The following MAP3K10 variants were observed in gnomAD, a reference collection of about 807,000 sequenced individuals.
The protein encoded by MAP3K10 is MKN28 derived nonreceptor_type serine/threonine kinase.
In MAP3K10, 22 loss-of-function variants were observed where a neutral mutation model predicts 75.0. The ratio of observed to expected loss-of-function variants is 0.29; its 90% CI spans 0.21 to 0.42. The LOEUF (loss-of-function observed/expected upper bound fraction) is 0.42, where lower values mean the gene tolerates loss of function less well. Among genes scored for constraint, MAP3K10 ranks in the 10% least tolerant of loss-of-function variants. The probability of loss-of-function intolerance (pLI) is 1.00; values close to 1 mark genes in which losing one functional copy is unlikely to be tolerated. For missense variants in MAP3K10, 1,165 were observed against 1,379.8 expected (o/e 0.84, Z 2.47); for synonymous variants, 599 against 612.9 (o/e 0.98, Z 0.34).
intron 2 of MAP3K10, among the ~76,000 whole-genome samples, chr19:40,200,455 G>A (rs60568017): frequency 0.21 from 32,467 of 151,728 alleles, 4,136 homozygotes; most frequent in African/African-American, 0.36. Context: ...TACTGTTCCC[G>A]TCAATTCCCA....
intron 2 of MAP3K10, among the ~76,000 whole-genome samples, chr19:40,201,556 C>T (rs1973021869): frequency 6.8e-6 from 1 of 147,086 alleles, no homozygotes; most frequent in South Asian, 2.2e-4. Context: ...GCAGTGATGC[C>T]GTCACAAATC....
In MAP3K10 at chr19:40,212,908, CAAG is replaced by C. The variant is rs1973266543; in HGVS notation, c.1663_1665del (p.Lys555del). ...CAAAGAAGGAAGAACTGGTCGGGGGCAAGAAGAAGGGACGAACGTGGGGGCCCA... is the reference window on the plus strand; with the variant it reads ...CAAAGAAGGAAGAACTGGTCGGGGGCAAGAAGGGACGAACGTGGGGGCCCA... On this transcript the variant is annotated inframe_deletion, in exon 7 of 10. Coordinates refer to ENST00000253055, the MANE Select transcript of MAP3K10 (RefSeq NM_002446.4). This position sits in a 1 kb window ranked among gnomAD's most constrained non-coding sequence, Gnocchi z 4.2. The C allele has an allele frequency of 5.0e-6, 8 of 1,613,286 alleles. No homozygotes were observed. Among genetic ancestry groups the C allele is most frequent in the Non-Finnish European group, 6.8e-6 (8 of 1,179,818 alleles).
chr19:40,214,005 C>G lies in MAP3K10; in HGVS notation c.2326C>G (p.Pro776Ala). 6.6e-7 allele frequency: 1 copy of G among 1,510,234 alleles called. No homozygotes were observed. The highest frequency in any genetic ancestry group is 8.8e-7 in the Non-Finnish European group (1 of 1,133,740). 93.6% of individuals were successfully genotyped at this position (1,510,234 alleles called of 1,614,324 possible). A position where few individuals can be genotyped will look rare whatever the true frequency, so the allele number is the denominator to read the frequency against. Residue 776 changes from proline to alanine, a missense_variant, in exon 9 of 10, where the codon CCA (proline) becomes GCA (alanine). Coordinates refer to ENST00000253055, the MANE Select transcript of MAP3K10 (RefSeq NM_002446.4). ...SDEAAPAAPSPPPSPPAPTPT... is the reference protein window; with the variant it reads ...SDEAAPAAPSAPPSPPAPTPT... ...CGAGGCCGCACCGGCCGCGCCCTCC[C>G]CACCACCCTCCCCGCCCGCGCCCAC...
intron 9 of MAP3K10, 82 bp downstream of exon 9, chr19:40,214,303 G>A (rs1287135796): frequency 2.2e-6 from 3 of 1,335,184 alleles, no homozygotes; most frequent in African/African-American, 3.1e-5. Flanking sequence ...GCCCAGCCAC[G>A]ACCCCTCAGG....
Position 40,192,078 on chromosome 19 carries a change from C to A in MAP3K10, c.47C>A (p.Pro16His). ...GAVAKEWGTT[P>H]AGPVWTAVFD... ...GTGGCCAAGGAGTGGGGCACGACCC[C>A]CGCGGGGCCCGTCTGGACCGCGGTG... The change falls in exon 1 of 10, where the codon CCC (proline) becomes CAC (histidine). Residue 16 changes from proline (P) to histidine (H), a missense_variant. Pro to His is a moderately conservative substitution (Grantham distance 77). This residue lies in a region of MAP3K10 where 575 missense variants were observed against 793.2 expected (regional missense o/e 0.72). Transcript: ENST00000253055. This position sits in a 1 kb window ranked among gnomAD's most constrained non-coding sequence, Gnocchi z 7.1. The A allele has an allele frequency of 1.3e-6, 2 of 1,505,798 alleles. No individual in the cohort carries two copies. The highest frequency in any genetic ancestry group is 1.8e-6 in the Non-Finnish European group (2 of 1,130,526). 93.3% of individuals were successfully genotyped at this position (1,505,798 alleles called of 1,614,324 possible).
At position 40,212,206 on chromosome 19, in the gene MAP3K10, G is replaced by C. The variant is rs766791886; in HGVS notation, c.1553-599G>C. 6.6e-6 allele frequency among the ~76,000 whole-genome samples: 1 copy of C among 152,180 alleles called. No homozygotes were observed. Among genetic ancestry groups the C allele is most frequent in the South Asian group, 2.1e-4 (1 of 4,834 alleles). On this transcript the variant is annotated intron_variant, in intron 6 of 9. Coordinates refer to ENST00000253055, the MANE Select transcript of MAP3K10 (RefSeq NM_002446.4). The surrounding 1 kb of genome is among the most constrained non-coding windows in gnomAD (Gnocchi z 4.2). The stretch of plus-strand genomic sequence containing the variant: ...TTGGAAGGGACAGATGTCCACAGTC[G>C]GGGCTATATGGCAGAGACACGGTCA...
chr19:40,200,764 A>G (rs1973003512), intron 2 of MAP3K10, among the ~76,000 whole-genome samples: 1 of 151,810 alleles, frequency 6.6e-6, no homozygotes, highest in Non-Finnish European at 1.5e-5. Flanking sequence ...GATTATAGGC[A>G]TGCACTGGCT....
rs1972961275 is a variant in MAP3K10, at chr19:40,198,649, A to G, written c.863+94A>G. ...GGAGGGAGGGTCTCCTGCTGAAGCC[A>G]GGATCTCAGTCTGACAAAGGGACCT... On this transcript the variant is annotated intron_variant, in intron 2 of 9. Coordinates refer to ENST00000253055, the MANE Select transcript of MAP3K10 (RefSeq NM_002446.4). This position sits in a 1 kb window ranked among gnomAD's most constrained non-coding sequence, Gnocchi z 4.3. The G allele has an allele frequency of 1.5e-6, 2 of 1,309,808 alleles. No homozygotes were observed. Among genetic ancestry groups the G allele is most frequent in the South Asian group, 1.5e-5 (1 of 67,004 alleles). 81.1% of individuals were successfully genotyped at this position (1,309,808 alleles called of 1,614,324 possible).
At position 40,212,164 on chromosome 19, in the gene MAP3K10, A is replaced by C. The variant is rs1973252514; in HGVS notation, c.1553-641A>C. On this transcript the variant is annotated intron_variant, in intron 6 of 9. Coordinates refer to ENST00000253055, the MANE Select transcript of MAP3K10 (RefSeq NM_002446.4). This position sits in a 1 kb window ranked among gnomAD's most constrained non-coding sequence, Gnocchi z 4.2. Reference sequence around the variant, plus strand: ...AGAAAGCAGTGAGATGATGGAGGCCAGGCCAGGGTGGGGGACTTGGAAGGG... The same window carrying C: ...AGAAAGCAGTGAGATGATGGAGGCCCGGCCAGGGTGGGGGACTTGGAAGGG... Among the ~76,000 whole-genome samples, 1 of 152,220 alleles carries C rather than the reference A, an allele frequency of 6.6e-6. No individual in the cohort carries two copies. Among genetic ancestry groups the C allele is most frequent in the Non-Finnish European group, 1.5e-5 (1 of 68,028 alleles).
chr19:40,213,901 C>A lies in MAP3K10; in HGVS notation c.2222C>A (p.Ala741Glu). Residue 741 changes from alanine (A) to glutamate (E), a missense_variant, in exon 9 of 10, where the codon GCG (alanine) becomes GAG (glutamate). Ala to Glu is a moderately radical substitution (Grantham distance 107). Coordinates refer to ENST00000253055, the MANE Select transcript of MAP3K10 (RefSeq NM_002446.4). The surrounding 1 kb of genome is among the most constrained non-coding windows in gnomAD (Gnocchi z 5.7). ...GACGTGGGCCCCGGCCTGGGCCTGG[C>A]GCCCTCGGCCACCCTCGTGTCGCTG... Reference protein sequence around the residue: ...REDVGPGLGLAPSATLVSLSS... With the variant: ...REDVGPGLGLEPSATLVSLSS... 1 of 1,500,306 alleles carries A rather than the reference C, an allele frequency of 6.7e-7. No individual in the cohort carries two copies. The highest frequency in any genetic ancestry group is 8.8e-7 in the Non-Finnish European group (1 of 1,131,618). The allele number at this position is 1,500,306 out of a possible 1,614,324, so 92.9% of individuals were successfully genotyped here.
chr19:40,204,532 G>A lies in MAP3K10; in HGVS notation c.911G>A (p.Arg304His), dbSNP rs535058788. 57 of 1,613,966 alleles carry A rather than the reference G, an allele frequency of 3.5e-5. No individual in the cohort carries two copies. The highest frequency in any genetic ancestry group is 8.0e-5 in the African/African-American group (6 of 75,034). Residue 304 changes from arginine to histidine, a missense_variant, in exon 3 of 10, where the codon CGT becomes CAT. Arg to His is a conservative substitution (Grantham distance 29). Coordinates refer to ENST00000253055, the MANE Select transcript of MAP3K10 (RefSeq NM_002446.4). This position sits in a 1 kb window ranked among gnomAD's most constrained non-coding sequence, Gnocchi z 4.3. ...CTGCTGACGGGGGAGGTCCCCTACC[G>A]TGAGATCGACGCCTTGGCCGTGGCG... ...WELLTGEVPY[R>H]EIDALAVAYG...
intron 5 of MAP3K10, chr19:40,206,494 T>A: frequency 5.0e-6 from 1 of 200,176 alleles, no homozygotes; most frequent in Non-Finnish European, 1.0e-5. Context: ...GAGGATCACT[T>A]GAGTCCAGGA....
Position 40,214,034 on chromosome 19 carries a change from CACGCCCTCGCCCAGCACCAA to C in MAP3K10, c.2356_2375del (p.Thr786ProfsTer59). The C allele has an allele frequency of 1.3e-6, 2 of 1,530,670 alleles. No homozygotes were observed. Among genetic ancestry groups the C allele is most frequent in the East Asian group, 2.5e-5 (1 of 40,112 alleles). The allele number at this position is 1,530,670 out of a possible 1,614,324, so 94.8% of individuals were successfully genotyped here. A position where few individuals can be genotyped will look rare whatever the true frequency, so the allele number is the denominator to read the frequency against. ...CACCCTCCCCGCCCGCGCCCACACC[CACGCCCTCGCCCAGCACCAA>C]CCCCCTGGTGGACCTGGAGCTGGAG... On this transcript the variant is annotated frameshift_variant, in exon 9 of 10. Transcript: ENST00000253055. LOFTEE classifies it high-confidence loss of function.
chr19:40,191,735 T>G lies in MAP3K10; in HGVS notation c.-297T>G. 89 of 255,484 alleles carry G rather than the reference T, an allele frequency of 3.5e-4. No homozygotes were observed. Among genetic ancestry groups the G allele is most frequent in the East Asian group, 1.1e-3 (16 of 14,538 alleles). The allele number at this position is 255,484 out of a possible 1,614,324, so 15.8% of individuals were successfully genotyped here. On this transcript the variant is annotated 5_prime_UTR_variant, in exon 1 of 10. Coordinates refer to ENST00000253055, the MANE Select transcript of MAP3K10 (RefSeq NM_002446.4). The stretch of plus-strand genomic sequence containing the variant: ...CCCCACCGGCGGACCCCGGCGGGCA[T>G]TCGAGAGCCGCGCGGCCAGGCCCTC...
At position 40,192,791 on chromosome 19, in the gene MAP3K10, G is replaced by A. The variant is rs1049388045; in HGVS notation, c.682+78G>A. The A allele has an allele frequency of 1.1e-5, 13 of 1,166,188 alleles. No individual in the cohort carries two copies. The highest frequency in any genetic ancestry group is 1.5e-5 in the Non-Finnish European group (13 of 851,280). 72.2% of individuals were successfully genotyped at this position (1,166,188 alleles called of 1,614,324 possible). A position where few individuals can be genotyped will look rare whatever the true frequency, so the allele number is the denominator to read the frequency against. ...GCCTAGGTGGTGGGAAACAGGGTGA[G>A]GGACACCAGATGACACTGTGCCTGG... On this transcript the variant is annotated intron_variant, in intron 1 of 9. Transcript: ENST00000253055. The surrounding 1 kb of genome is among the most constrained non-coding windows in gnomAD (Gnocchi z 7.1).
chr19:40,192,809 G>A lies in MAP3K10; in HGVS notation c.682+96G>A. 1.0e-6 allele frequency: 1 copy of A among 975,900 alleles called. No homozygotes were observed. Among genetic ancestry groups the A allele is most frequent in the Non-Finnish European group, 1.5e-6 (1 of 684,436 alleles). The allele number at this position is 975,900 out of a possible 1,614,324, so 60.5% of individuals were successfully genotyped here. The stretch of plus-strand genomic sequence containing the variant: ...AGGGTGAGGGACACCAGATGACACT[G>A]TGCCTGGAGTGAGAAGGGGCAGCAG... On this transcript the variant is annotated intron_variant, in intron 1 of 9. Coordinates refer to ENST00000253055, the MANE Select transcript of MAP3K10 (RefSeq NM_002446.4). This position sits in a 1 kb window ranked among gnomAD's most constrained non-coding sequence, Gnocchi z 7.1.
In MAP3K10 at chr19:40,213,704, G is replaced by C. The variant is rs1013610210; in HGVS notation, c.2025G>C (p.Leu675=). 1.9e-6 allele frequency: 2 copies of C among 1,078,464 alleles called. No individual in the cohort carries two copies. Among genetic ancestry groups the C allele is most frequent in the African/African-American group, 3.4e-5 (2 of 58,082 alleles). 66.8% of individuals were successfully genotyped at this position (1,078,464 alleles called of 1,614,324 possible). ...HGARRRCDLA[L]LGCATLLGAV... ...CCCGGCGGCGCTGCGACCTGGCGCT[G>C]CTAGGCTGCGCCACGCTGCTGGGGG... The change falls in exon 9 of 10, where the codon CTG becomes CTC. Residue 675 remains leucine, a synonymous_variant. Coordinates refer to ENST00000253055, the MANE Select transcript of MAP3K10 (RefSeq NM_002446.4). This position sits in a 1 kb window ranked among gnomAD's most constrained non-coding sequence, Gnocchi z 5.7.
chr19:40,206,120 G>A lies in MAP3K10; in HGVS notation c.1398G>A (p.Lys466=), dbSNP rs1973116102. 6.2e-7 allele frequency: 1 copy of A among 1,611,328 alleles called. No individual in the cohort carries two copies. ...KGNFKRSRLL[K]LREGGSHISL... The stretch of plus-strand genomic sequence containing the variant: ...ACTTCAAGCGCAGCCGCCTGCTCAA[G>A]CTGCGGGAAGGCGGCAGCCACATCA... The change falls in exon 5 of 10, where the codon AAG becomes AAA. Residue 466 remains lysine, a synonymous_variant. Transcript: ENST00000253055.
At chr19:40,206,699 C>T (rs888290913) in intron 5 of MAP3K10, among the ~76,000 whole-genome samples, 5 of 152,210 alleles carry the variant, frequency 3.3e-5, no homozygotes, top group African/African-American at 1.2e-4. Context: ...CTACCTGCCC[C>T]TCCAGACAAC....
Sources: gnomAD v4.1 joint callset for allele counts (sites outside exome capture counted in the v4.1 genomes callset) on GRCh38, gnomAD v4.1.1 for gene constraint, gnomAD v4.1.1 regional missense constraint, Gnocchi (gnomAD v3.1) non-coding constraint, MANE v1.5 for transcripts, NCBI Gene and HGNC (gene_info 2026-07-23, HGNC 2026-07-21) for gene names.